Variants in CNTN5 observed in about 807,000 individuals in gnomAD.
CNTN5 encodes contactin 5, also known as contactin-5.
Under a neutral mutation model 129.1 loss-of-function variants are expected in CNTN5, and 77 were observed. The ratio of observed to expected loss-of-function variants is 0.60; its 90% CI spans 0.50 to 0.72. CNTN5 has a LOEUF of 0.72. Ranked by LOEUF, CNTN5 falls within the 30% of genes least tolerant of loss-of-function variation. The pLI is 0.00. For missense variants in CNTN5, 1,478 were observed against 1,328.8 expected (o/e 1.11, Z -1.75); for synonymous variants, 509 against 465.6 (o/e 1.09, Z -1.20).
intron 3 of CNTN5, among the ~76,000 whole-genome samples, chr11:99,665,636 A>G (rs1952761738): frequency 6.6e-6 from 1 of 151,326 alleles, no homozygotes; most frequent in Admixed American, 6.6e-5. Flanking sequence ...ACAGGTGCCC[A>G]GCAACTTGCC....
intron 2 of CNTN5, among the ~76,000 whole-genome samples, chr11:99,544,760 G>A (rs1565280184): frequency 6.6e-6 from 1 of 152,142 alleles, no homozygotes; most frequent in Non-Finnish European, 1.5e-5. Context: ...GAGAGAGGCA[G>A]TTTATTAGGG....
In CNTN5 at chr11:100,238,094, T is replaced by A. The variant is rs73561267; in HGVS notation, c.2005+13282T>A. The stretch of plus-strand genomic sequence containing the variant: ...AAAGTAAAGGTGCATAAATTCAAGG[T>A]GAGCAAAAAGTAGTGGAGAAAAGGT... On this transcript the variant is annotated intron_variant, in intron 16 of 24. Transcript: ENST00000524871. 3.3e-5 allele frequency among the ~76,000 whole-genome samples: 5 copies of A among 152,132 alleles called. No homozygotes were observed. The South Asian group carries it at 1.0e-3, about 31-fold the overall frequency.
intron 15 of CNTN5, among the ~76,000 whole-genome samples, chr11:100,200,888 A>G (rs1321040362): frequency 1.3e-5 from 2 of 151,922 alleles, no homozygotes; most frequent in Non-Finnish European, 2.9e-5. Context: ...AGGACTGTAT[A>G]TGTTTTCTCT....
chr11:99,222,628 A>C (rs1860455338), intron 1 of CNTN5, among the ~76,000 whole-genome samples: 1 of 152,146 alleles, frequency 6.6e-6, no homozygotes, highest in Non-Finnish European at 1.5e-5. Flanking sequence ...TTTTCATACC[A>C]ATTCAAAGTG....
At chr11:100,204,189 TAA>T (rs1452002041) in intron 15 of CNTN5, among the ~76,000 whole-genome samples, 1 of 148,980 alleles carries the variant, frequency 6.7e-6, no homozygotes, top group Non-Finnish European at 1.5e-5. Flanking sequence ...TGGTGCACAG[TAA>T]AGACCAAATA....
chr11:100,285,202 T>A lies in CNTN5; in HGVS notation c.2315-12423T>A, dbSNP rs192900899. 7.9e-5 allele frequency among the ~76,000 whole-genome samples: 12 copies of A among 152,368 alleles called. 1 individual carries two copies. In the East Asian group the frequency reaches 2.3e-3, roughly 29 times the overall value. Reference sequence around the variant, plus strand: ...ATGGAAATTTACAAACTAGTAATCATGAAAAAGTATATTTTTTCATATTGA... The same window carrying A: ...ATGGAAATTTACAAACTAGTAATCAAGAAAAAGTATATTTTTTCATATTGA... On this transcript the variant is annotated intron_variant, in intron 18 of 24. Coordinates refer to ENST00000524871, the MANE Select transcript of CNTN5 (RefSeq NM_014361.4).
intron 13 of CNTN5, among the ~76,000 whole-genome samples, chr11:100,158,707 A>C (rs75832434): frequency 0.17 from 25,642 of 151,808 alleles, 2,778 homozygotes; most frequent in South Asian, 0.31. Flanking sequence ...CCAAGTTATA[A>C]TGGAACAAGG....
intron 3 of CNTN5, among the ~76,000 whole-genome samples, chr11:99,661,761 G>T (rs1952601661): frequency 6.6e-6 from 1 of 152,016 alleles, no homozygotes; most frequent in Non-Finnish European, 1.5e-5. Flanking sequence ...AATAACCCCA[G>T]TTATTAAGTG....
intron 1 of CNTN5, among the ~76,000 whole-genome samples, chr11:99,192,991 A>G (rs1858722842): frequency 6.6e-6 from 1 of 152,098 alleles, no homozygotes; most frequent in African/African-American, 2.4e-5. Context: ...CTTGAGAAAA[A>G]CAAAGTGATA....
chr11:99,473,454 T>G (rs1945251486), intron 2 of CNTN5, among the ~76,000 whole-genome samples: 2 of 152,172 alleles, frequency 1.3e-5, no homozygotes, highest in South Asian at 4.1e-4. Flanking sequence ...TTTGCAAATT[T>G]TGGCTTTCTC....
At chr11:100,254,465 T>C (rs927461184) in intron 16 of CNTN5, among the ~76,000 whole-genome samples, 2 of 152,224 alleles carry the variant, frequency 1.3e-5, no homozygotes, top group African/African-American at 4.8e-5. Context: ...TTCTCAAGGT[T>C]GCCCTCTAGA....
intron 6 of CNTN5, among the ~76,000 whole-genome samples, chr11:99,895,654 A>C (rs1591379723): frequency 6.6e-6 from 1 of 152,254 alleles, no homozygotes; most frequent in Non-Finnish European, 1.5e-5. Context: ...GAGTGGGGGA[A>C]GAGTGAGTGA....
chr11:99,557,379 TA>T (rs569533959), intron 3 of CNTN5, among the ~76,000 whole-genome samples: 14 of 151,400 alleles, frequency 9.2e-5, no homozygotes, highest in Middle Eastern at 4.7e-3. Context: ...TGATCACTAA[TA>T]TTGCCTCATC....
At chr11:99,959,595 A>G in intron 8 of CNTN5, among the ~76,000 whole-genome samples, 1 of 152,056 alleles carries the variant, frequency 6.6e-6, no homozygotes, top group African/African-American at 2.4e-5. Context: ...CTAAACTAAT[A>G]CTGTTTTGGT....
chr11:99,105,802 A>T (rs1591198287), intron 1 of CNTN5, among the ~76,000 whole-genome samples: 1 of 152,098 alleles, frequency 6.6e-6, no homozygotes, highest in East Asian at 1.9e-4. Flanking sequence ...TAATAAGGAA[A>T]CCCTAGCATC....
intron 3 of CNTN5, among the ~76,000 whole-genome samples, chr11:99,582,821 A>G (rs1949656431): frequency 5.3e-5 from 8 of 151,680 alleles, no homozygotes. Context: ...TCCTCTCTCA[A>G]CTCGTCAAAG....
At chr11:99,309,751 G>C (rs1290889745) in intron 1 of CNTN5, among the ~76,000 whole-genome samples, 3 of 152,090 alleles carry the variant, frequency 2.0e-5, no homozygotes, top group Non-Finnish European at 4.4e-5. Flanking sequence ...TACGATGGTT[G>C]CCCAATGACA....
At chr11:100,203,679 T>C (rs1948838958) in intron 15 of CNTN5, among the ~76,000 whole-genome samples, 2 of 151,808 alleles carry the variant, frequency 1.3e-5, no homozygotes, top group Non-Finnish European at 2.9e-5. Context: ...CCAGCACTTA[T>C]TTCTAGTGCT....
At chr11:99,767,240 A>C (rs1236544630) in intron 3 of CNTN5, among the ~76,000 whole-genome samples, 2 of 152,094 alleles carry the variant, frequency 1.3e-5, no homozygotes, top group East Asian at 3.8e-4. Context: ...GTTAAAAAAT[A>C]TTGATAAAAA....
Sources: gnomAD v4.1 joint callset for allele counts (sites outside exome capture counted in the v4.1 genomes callset) on GRCh38, gnomAD v4.1.1 for gene constraint, MANE v1.5 for transcripts, NCBI Gene and HGNC (gene_info 2026-07-23, HGNC 2026-07-21) for gene names.